The following POFUT2 variants were observed in gnomAD, a reference collection of about 807,000 sequenced individuals.
POFUT2 encodes the protein GDP-fucose protein O-fucosyltransferase 2.
In POFUT2, 30 loss-of-function variants were observed where a neutral mutation model predicts 55.0. The observed-to-expected ratio is 0.55, with a 90% confidence interval of 0.41 to 0.74. The LOEUF is 0.74. POFUT2 is among the 30% of genes least tolerant of loss of function. POFUT2 has a pLI of 0.00. For missense variants in POFUT2, 524 were observed against 562.6 expected (o/e 0.93, Z 0.69); for synonymous variants, 267 against 231.1 (o/e 1.16, Z -1.41).
At position 45,265,221 on chromosome 21, in the gene POFUT2, G is replaced by A. The variant is rs1330474273; in HGVS notation, c.*261C>T. 2.7e-6 allele frequency: 1 copy of A among 365,208 alleles called. No homozygotes were observed. Among genetic ancestry groups the A allele is most frequent in the Non-Finnish European group, 4.9e-6 (1 of 202,432 alleles). The allele number at this position is 365,208 out of a possible 1,614,324, so 22.6% of individuals were successfully genotyped here. On this transcript the variant is annotated 3_prime_UTR_variant, in exon 9 of 9. Coordinates refer to ENST00000349485, the MANE Select transcript of POFUT2 (RefSeq NM_133635.6). This position sits in a 1 kb window ranked among gnomAD's most constrained non-coding sequence, Gnocchi z 4.6. The stretch of plus-strand genomic sequence containing the variant: ...CACCACGCGGGCACTGCTGGCAACC[G>A]AGCTGTGGGTTCACAGACGCTGCCT...
Position 45,282,212 on chromosome 21 carries a change from C to A in POFUT2, c.638+137G>T, listed in dbSNP as rs2030757718. On this transcript the variant is annotated intron_variant, in intron 4 of 8. Coordinates refer to ENST00000349485, the MANE Select transcript of POFUT2 (RefSeq NM_133635.6). The surrounding 1 kb of genome is among the most constrained non-coding windows in gnomAD (Gnocchi z 4.6). ...AAGCACTTCCCTAACCACCACCCCCCAGGGCCCCCAGGGTCCGCTGTCTGT... is the reference window on the plus strand; with the variant it reads ...AAGCACTTCCCTAACCACCACCCCCAAGGGCCCCCAGGGTCCGCTGTCTGT... The A allele has an allele frequency of 4.7e-6, 3 of 643,072 alleles. No homozygotes were observed. The highest frequency in any genetic ancestry group is 8.2e-6 in the Non-Finnish European group (3 of 366,118). 39.8% of individuals were successfully genotyped at this position (643,072 alleles called of 1,614,324 possible). A position where few individuals can be genotyped will look rare whatever the true frequency, so the allele number is the denominator to read the frequency against.
chr21:45,269,989 AG>A lies in POFUT2; in HGVS notation c.861del (p.Tyr288ThrfsTer6). On this transcript the variant is annotated frameshift_variant, in exon 7 of 9. Coordinates refer to ENST00000349485, the MANE Select transcript of POFUT2 (RefSeq NM_133635.6). LOFTEE classifies it high-confidence loss of function. ...KVKLGSALGG[P>X]YLGVHLRRKD... ...TTTCTTCTCAGGTGGACTCCCAGGTAGGGGCCCCCTAGCGCGGAGCCCAGCT... is the reference window on the plus strand; with the variant it reads ...TTTCTTCTCAGGTGGACTCCCAGGTAGGGCCCCCTAGCGCGGAGCCCAGCT... 1 of 1,573,680 alleles carries A rather than the reference AG, an allele frequency of 6.4e-7. No individual in the cohort carries two copies. Among genetic ancestry groups the A allele is most frequent in the South Asian group, 1.2e-5 (1 of 83,684 alleles).
intron 1 of POFUT2, among the ~76,000 whole-genome samples, chr21:45,287,202 T>G (rs1268006894): frequency 1.1e-4 from 6 of 55,024 alleles, no homozygotes; most frequent in Non-Finnish European, 2.1e-4. Flanking sequence ...CCCCGGCCCC[T>G]GCCCCTGCCC....
Position 45,265,363 on chromosome 21 carries a change from T to C in POFUT2, c.*119A>G. The C allele has an allele frequency of 1.1e-6, 1 of 907,360 alleles. No individual in the cohort carries two copies. Among genetic ancestry groups the C allele is most frequent in the Non-Finnish European group, 1.7e-6 (1 of 599,816 alleles). 56.2% of individuals were successfully genotyped at this position (907,360 alleles called of 1,614,324 possible). A position where few individuals can be genotyped will look rare whatever the true frequency, so the allele number is the denominator to read the frequency against. On this transcript the variant is annotated 3_prime_UTR_variant, in exon 9 of 9. Coordinates refer to ENST00000349485, the MANE Select transcript of POFUT2 (RefSeq NM_133635.6). The surrounding 1 kb of genome is among the most constrained non-coding windows in gnomAD (Gnocchi z 4.6). ...GGGGCCTCTTCTGGGCCTGGGACCC[T>C]GCGAGGGACGGTCCTGTCCGCCCAG...
chr21:45,272,581 G>A (rs549766951), intron 6 of POFUT2, among the ~76,000 whole-genome samples: 3 of 152,224 alleles, frequency 2.0e-5, no homozygotes, highest in East Asian at 1.9e-4. Flanking sequence ...AACATTCTAC[G>A]CAACAGCTGC....
chr21:45,272,984 GA>G (rs1425329154), intron 6 of POFUT2, among the ~76,000 whole-genome samples: 1 of 151,870 alleles, frequency 6.6e-6, no homozygotes, highest in Non-Finnish European at 1.5e-5. Context: ...ATACCTCAAG[GA>G]ATGAGAGAAA....
rs1451022708 is a variant in POFUT2, at chr21:45,274,979, A to G, written c.831+2038T>C. Among the ~76,000 whole-genome samples the G allele has an allele frequency of 7.2e-5, 11 of 152,352 alleles. No individual in the cohort carries two copies. The East Asian group carries it at 2.1e-3, about 29-fold the overall frequency. On this transcript the variant is annotated intron_variant, in intron 6 of 8. Coordinates refer to ENST00000349485, the MANE Select transcript of POFUT2 (RefSeq NM_133635.6). ...AAGCTTCTGCACGGCAAAAGAAACA[A>G]TCAGCGAACAGCTCCCAGAGTGGGA...
chr21:45,266,837 C>T (rs761247879), intron 8 of POFUT2: 39 of 1,007,880 alleles, frequency 3.9e-5, no homozygotes, highest in Admixed American at 5.2e-5. Flanking sequence ...GTGCTAACCA[C>T]GGGGAAGATC....
intron 8 of POFUT2, chr21:45,266,247 C>T (rs2093152895): frequency 1.5e-6 from 2 of 1,367,464 alleles, no homozygotes; most frequent in Non-Finnish European, 2.0e-6. Flanking sequence ...CAAGCAAACC[C>T]CAGAGATGTT....
At chr21:45,278,405 A>G (rs1279223221) in intron 4 of POFUT2, among the ~76,000 whole-genome samples, 4 of 152,246 alleles carry the variant, frequency 2.6e-5, no homozygotes, top group Admixed American at 6.5e-5. Flanking sequence ...ACAGAATGAC[A>G]TCAGAGAAAA....
At position 45,270,356 on chromosome 21, in the gene POFUT2, G is replaced by C. The variant is rs576169220; in HGVS notation, c.832-337C>G. 5.9e-5 allele frequency among the ~76,000 whole-genome samples: 9 copies of C among 151,876 alleles called. No homozygotes were observed. Among genetic ancestry groups the C allele is most frequent in the Non-Finnish European group, 1.0e-4 (7 of 67,996 alleles). On this transcript the variant is annotated intron_variant, in intron 6 of 8. Coordinates refer to ENST00000349485, the MANE Select transcript of POFUT2 (RefSeq NM_133635.6). This position sits in a 1 kb window ranked among gnomAD's most constrained non-coding sequence, Gnocchi z 4.6. The stretch of plus-strand genomic sequence containing the variant: ...CCACAAAGAGTTCACGGATCCTGTG[G>C]ACAAAGCAGCTCACAGCTGCAAACT...
rs1269739241 is a variant in POFUT2 at position 45,269,737 on chromosome 21, T to C, written c.1012+102A>G. The stretch of plus-strand genomic sequence containing the variant: ...TGACCTTCCCTCCACTATTGTTCCA[T>C]GACCCTGCCAAAATCCCCGTCTGTG... On this transcript the variant is annotated intron_variant, in intron 7 of 8. Coordinates refer to ENST00000349485, the MANE Select transcript of POFUT2 (RefSeq NM_133635.6). 19 of 1,138,430 alleles carry C rather than the reference T, an allele frequency of 1.7e-5. 1 individual carries two copies. The highest frequency in any genetic ancestry group is 2.3e-5 in the Non-Finnish European group (18 of 797,942). The allele number at this position is 1,138,430 out of a possible 1,614,324, so 70.5% of individuals were successfully genotyped here.
In POFUT2 at chr21:45,281,718, C is replaced by T. The variant is rs2030664930; in HGVS notation, c.638+631G>A. 6.6e-6 allele frequency among the ~76,000 whole-genome samples: 1 copy of T among 151,974 alleles called. No homozygotes were observed. ...GGTCTATGGGAGACGCTCACAGTGC[C>T]TGCTGGGGGATTCAGAAGACCCAAG... On this transcript the variant is annotated intron_variant, in intron 4 of 8. Coordinates refer to ENST00000349485, the MANE Select transcript of POFUT2 (RefSeq NM_133635.6). This position sits in a 1 kb window ranked among gnomAD's most constrained non-coding sequence, Gnocchi z 5.0.
chr21:45,283,869 C>T (rs2031070750), intron 2 of POFUT2, among the ~76,000 whole-genome samples: 1 of 152,190 alleles, frequency 6.6e-6, no homozygotes, highest in Admixed American at 6.5e-5. Flanking sequence ...GGACCACTCC[C>T]CTTGGGGGCT....
chr21:45,276,990 CTAAT>C, intron 6 of POFUT2, 23 bp downstream of exon 6: 1 of 1,611,454 alleles, frequency 6.2e-7, no homozygotes, highest in Non-Finnish European at 8.5e-7. Flanking sequence ...TACCTTTTCT[CTAAT>C]TAACAAAAGG....
chr21:45,282,215 G>T lies in POFUT2; in HGVS notation c.638+134C>A. On this transcript the variant is annotated intron_variant, in intron 4 of 8. Coordinates refer to ENST00000349485, the MANE Select transcript of POFUT2 (RefSeq NM_133635.6). The surrounding 1 kb of genome is among the most constrained non-coding windows in gnomAD (Gnocchi z 4.6). ...CACTTCCCTAACCACCACCCCCCAG[G>T]GCCCCCAGGGTCCGCTGTCTGTGAG... The T allele has an allele frequency of 1.5e-6, 1 of 648,744 alleles. No individual in the cohort carries two copies. The highest frequency in any genetic ancestry group is 2.8e-5 in the Admixed American group (1 of 36,262). 40.2% of individuals were successfully genotyped at this position (648,744 alleles called of 1,614,324 possible).
rs1210981787 is a variant in POFUT2, at chr21:45,282,226, T to G, written c.638+123A>C. ...CCACCACCCCCCAGGGCCCCCAGGG[T>G]CCGCTGTCTGTGAGGTGGGTGGGCC... On this transcript the variant is annotated intron_variant, in intron 4 of 8. Coordinates refer to ENST00000349485, the MANE Select transcript of POFUT2 (RefSeq NM_133635.6). The surrounding 1 kb of genome is among the most constrained non-coding windows in gnomAD (Gnocchi z 4.6). The G allele has an allele frequency of 1.5e-6, 1 of 681,334 alleles. No individual in the cohort carries two copies. The allele number at this position is 681,334 out of a possible 1,614,324, so 42.2% of individuals were successfully genotyped here. A position where few individuals can be genotyped will look rare whatever the true frequency, so the allele number is the denominator to read the frequency against.
rs536471026 is a variant in POFUT2, at chr21:45,281,194, T to G, written c.638+1155A>C. Among the ~76,000 whole-genome samples, 169 of 152,222 alleles carry G rather than the reference T, an allele frequency of 1.1e-3. No homozygotes were observed. Among genetic ancestry groups the G allele is most frequent in the African/African-American group, 3.9e-3 (160 of 41,524 alleles). On this transcript the variant is annotated intron_variant, in intron 4 of 8. Transcript: ENST00000349485. The surrounding 1 kb of genome is among the most constrained non-coding windows in gnomAD (Gnocchi z 5.0). ...CCCCGGCAGAAGCGTTTCTCCTAAA[T>G]CAGGACCATCTAGTTGGAAGCCCCC...
rs2029899284 is a variant in POFUT2, at chr21:45,277,228, C to T, written c.706-86G>A. ...GCGGGTTCTCCTGTCGCTGCCACCACCCACCCCCGCAGCTGGAACAAGCCC... is the reference window on the plus strand; with the variant it reads ...GCGGGTTCTCCTGTCGCTGCCACCATCCACCCCCGCAGCTGGAACAAGCCC... On this transcript the variant is annotated intron_variant, in intron 5 of 8. Coordinates refer to ENST00000349485, the MANE Select transcript of POFUT2 (RefSeq NM_133635.6). The surrounding 1 kb of genome is among the most constrained non-coding windows in gnomAD (Gnocchi z 6.9). The T allele has an allele frequency of 6.6e-7, 1 of 1,521,124 alleles. No homozygotes were observed. 94.2% of individuals were successfully genotyped at this position (1,521,124 alleles called of 1,614,324 possible).
Sources: gnomAD v4.1 joint callset for allele counts (sites outside exome capture counted in the v4.1 genomes callset) on GRCh38, gnomAD v4.1.1 for gene constraint, Gnocchi (gnomAD v3.1) non-coding constraint, MANE v1.5 for transcripts, NCBI Gene and HGNC (gene_info 2026-07-23, HGNC 2026-07-21) for gene names.